The following MAP1LC3C variants were observed in gnomAD, a reference collection of about 807,000 sequenced individuals.
MAP1LC3C encodes the protein microtubule associated protein 1 light chain 3 gamma, also known as microtubule-associated protein 1 light chain 3 gamma.
Under a neutral mutation model 10.4 loss-of-function variants are expected in MAP1LC3C, and 12 were observed. The ratio of observed to expected loss-of-function variants is 1.15; its 90% CI spans 0.74 to 1.86. The LOEUF (loss-of-function observed/expected upper bound fraction) is 1.86, where lower values mean the gene tolerates loss of function less well. Among genes scored for constraint, MAP1LC3C ranks in the 40% most tolerant of loss-of-function variants. The probability of loss-of-function intolerance (pLI) is 0.00; values close to 1 mark genes in which losing one functional copy is unlikely to be tolerated. For missense variants in MAP1LC3C, 177 were observed against 185.7 expected (o/e 0.95, Z 0.27); for synonymous variants, 70 against 69.0 (o/e 1.01, Z -0.07).
chr1:242,000,778 C>T (rs76465614), upstream of MAP1LC3C, among the ~76,000 whole-genome samples: 30,650 of 152,034 alleles, frequency 0.2, 3,214 homozygotes, highest in East Asian at 0.37. Context: ...TGGGTTTTTA[C>T]GGAGGCTTCA....
rs1230558094 is a variant in MAP1LC3C at position 241,998,976 on chromosome 1, T to C, written c.33A>G (p.Arg11=). 1 of 1,611,356 alleles carries C rather than the reference T, an allele frequency of 6.2e-7. No homozygotes were observed. Among genetic ancestry groups the C allele is most frequent in the South Asian group, 1.1e-5 (1 of 90,560 alleles). The part of the protein sequence containing the change: MPPPQKIPSV[R]PFKQRKSLAI... ...CCAAGCTTTTCCTCTGCTTGAAGGGTCTGACGCTTGGGATTTTCTGTGGAG... is the reference window on the plus strand; with the variant it reads ...CCAAGCTTTTCCTCTGCTTGAAGGGCCTGACGCTTGGGATTTTCTGTGGAG... The change falls in exon 1 of 4, where the codon AGA becomes AGG. Residue 11 remains arginine, a synonymous_variant. Coordinates refer to ENST00000357246, the MANE Select transcript of MAP1LC3C (RefSeq NM_001004343.3).
chr1:241,997,947 G>A (rs920060726), intron 3 of MAP1LC3C, among the ~76,000 whole-genome samples: 7 of 151,708 alleles, frequency 4.6e-5, no homozygotes, highest in African/African-American at 1.7e-4. Flanking sequence ...GAAATTCTTA[G>A]AAATGTTGGC....
In MAP1LC3C at chr1:241,998,553, G is replaced by C. The variant is rs1447508631; in HGVS notation, c.182C>G (p.Pro61Arg). 1 of 1,613,854 alleles carries C rather than the reference G, an allele frequency of 6.2e-7. No individual in the cohort carries two copies. Among genetic ancestry groups the C allele is most frequent in the Admixed American group, 1.7e-5 (1 of 59,910 alleles). The part of the protein sequence containing the change: ...PPLDKTKFLV[P>R]QELTMTQFLS... Reference sequence around the variant, plus strand: ...GAACTGGGTCATGGTCAGCTCCTGCGGGACCAGGAACTTGGTTTTGTCCAG... The same window carrying C: ...GAACTGGGTCATGGTCAGCTCCTGCCGGACCAGGAACTTGGTTTTGTCCAG... Residue 61 changes from proline to arginine, a missense_variant, in exon 3 of 4, where the codon CCG becomes CGG. Physicochemically the swap from Pro to Arg is moderately radical, Grantham distance 103. Coordinates refer to ENST00000357246, the MANE Select transcript of MAP1LC3C (RefSeq NM_001004343.3).
Position 241,996,346 on chromosome 1 carries a change from C to A in MAP1LC3C, c.261G>T (p.Leu87Phe). 1 of 1,614,094 alleles carries A rather than the reference C, an allele frequency of 6.2e-7. No homozygotes were observed. The highest frequency in any genetic ancestry group is 8.5e-7 in the Non-Finnish European group (1 of 1,180,026). Residue 87 changes from leucine to phenylalanine, a missense_variant, in exon 4 of 4, where the codon TTG (leucine) becomes TTT (phenylalanine). Transcript: ENST00000357246. ...MVLRATEAFY[L>F]LVNNKSLVSM... ...TGACCAGGCTCTTGTTGTTCACCAGCAAGTAAAAGGCTTCCGTGGCTCTCA... is the reference window on the plus strand; with the variant it reads ...TGACCAGGCTCTTGTTGTTCACCAGAAAGTAAAAGGCTTCCGTGGCTCTCA...
In MAP1LC3C at chr1:241,998,938, C is replaced by G. The variant is rs750401868; in HGVS notation, c.58+13G>C. Reference sequence around the variant, plus strand: ...TCTTTAGATAACCCAGAAAGCTACCCCAAGAAATTTACCCAAGCTTTTCCT... The same window carrying G: ...TCTTTAGATAACCCAGAAAGCTACCGCAAGAAATTTACCCAAGCTTTTCCT... On this transcript the variant is annotated intron_variant, in intron 1 of 3. Transcript: ENST00000357246. 8.1e-6 allele frequency: 13 copies of G among 1,610,818 alleles called. No homozygotes were observed. In the Admixed American group the frequency reaches 1.0e-4, roughly 13 times the overall value.
chr1:242,000,043 ATG>A (rs35676574), upstream of MAP1LC3C, among the ~76,000 whole-genome samples: 143,108 of 150,834 alleles, frequency 0.95, 68,094 homozygotes, highest in Non-Finnish European at 0.98. Context: ...TTGACACTAG[ATG>A]TGTGTGTGTG....
At chr1:242,000,698 G>A (rs982647700), upstream of MAP1LC3C, among the ~76,000 whole-genome samples, 3 of 152,162 alleles carry the variant, frequency 2.0e-5, no homozygotes, top group East Asian at 1.9e-4. Context: ...GATGCATAGC[G>A]AGGTATGGGG....
chr1:241,998,514 C>A lies in MAP1LC3C; in HGVS notation c.221G>T (p.Arg74Leu). Residue 74 changes from arginine (R) to leucine (L), a missense_variant and splice_region_variant, in exon 3 of 4, where the codon CGG (arginine) becomes CTG (leucine). Physicochemically the swap from Arg to Leu is moderately radical, Grantham distance 102. Transcript: ENST00000357246. ...CCGGGGCACGCTCTGCGCCACCTAC[C>A]GGATGATGCTGAGGAACTGGGTCAT... ...LTMTQFLSII[R>L]SRMVLRATEA... 1 of 1,613,880 alleles carries A rather than the reference C, an allele frequency of 6.2e-7. No individual in the cohort carries two copies. Among genetic ancestry groups the A allele is most frequent in the Non-Finnish European group, 8.5e-7 (1 of 1,179,822 alleles).
chr1:241,999,124 T>C, upstream of MAP1LC3C: 1 of 1,473,184 alleles, frequency 6.8e-7, no homozygotes, highest in Non-Finnish European at 8.9e-7. Flanking sequence ...AAGGAGGCCC[T>C]TATGTAGGGC....
chr1:241,998,068 C>T (rs138606533), intron 3 of MAP1LC3C, among the ~76,000 whole-genome samples: 8 of 131,746 alleles, frequency 6.1e-5, no homozygotes, highest in African/African-American at 2.4e-4. Flanking sequence ...CTCTTGTTGC[C>T]CAGGAGTGCA....
At position 241,996,327 on chromosome 1, in the gene MAP1LC3C, G is replaced by C; in HGVS notation, c.280C>G (p.Leu94Val). The C allele has an allele frequency of 6.2e-7, 1 of 1,614,084 alleles. No homozygotes were observed. Among genetic ancestry groups the C allele is most frequent in the Non-Finnish European group, 8.5e-7 (1 of 1,180,006 alleles). Residue 94 changes from leucine (L) to valine (V), a missense_variant, in exon 4 of 4, where the codon CTG (leucine) becomes GTG (valine). Physicochemically the swap from Leu to Val is conservative, Grantham distance 32. Transcript: ENST00000357246. ...AFYLLVNNKSLVSMSATMAEI... is the reference protein window; with the variant it reads ...AFYLLVNNKSVVSMSATMAEI... The stretch of plus-strand genomic sequence containing the variant: ...GCCATGGTTGCGCTCATGCTGACCA[G>C]GCTCTTGTTGTTCACCAGCAAGTAA...
chr1:241,998,446 C>A, intron 3 of MAP1LC3C, 68 bp downstream of exon 3: 2 of 1,388,358 alleles, frequency 1.4e-6, no homozygotes, highest in Non-Finnish European at 2.0e-6. Flanking sequence ...AACTGCCAAA[C>A]GAAGAAAGCC....
chr1:241,998,624 T>G lies in MAP1LC3C; in HGVS notation c.115-4A>C. The G allele has an allele frequency of 1.9e-6, 3 of 1,609,408 alleles. No individual in the cohort carries two copies. Among genetic ancestry groups the G allele is most frequent in the Non-Finnish European group, 2.5e-6 (3 of 1,177,862 alleles). ...TGGGGTAGCGCTCCACTACCACCTG[T>G]CAAGAGTGTCAGTCCTTAAGAATGT... On this transcript the variant is annotated splice_polypyrimidine_tract_variant and splice_region_variant and intron_variant, in intron 2 of 3. Transcript: ENST00000357246.
At chr1:242,000,832 A>G (rs1297738136), upstream of MAP1LC3C, among the ~76,000 whole-genome samples, 2 of 152,150 alleles carry the variant, frequency 1.3e-5, no homozygotes, top group Non-Finnish European at 2.9e-5. Context: ...CTGGTAATCA[A>G]TTTAACTTTC....
Position 241,998,564 on chromosome 1 carries a change from C to G in MAP1LC3C, c.171G>C (p.Lys57Asn), listed in dbSNP as rs777925241. The G allele has an allele frequency of 3.7e-6, 6 of 1,613,538 alleles. No individual in the cohort carries two copies. The highest frequency in any genetic ancestry group is 1.3e-5 in the African/African-American group (1 of 74,898). ...ETFLPPLDKT[K>N]FLVPQELTMT... ...TGGTCAGCTCCTGCGGGACCAGGAA[C>G]TTGGTTTTGTCCAGCGGGGGCAGGA... The change falls in exon 3 of 4, where the codon AAG becomes AAC. Residue 57 changes from lysine to asparagine, a missense_variant. Transcript: ENST00000357246.
At chr1:242,001,258 C>T (rs953988870), upstream of MAP1LC3C, among the ~76,000 whole-genome samples, 5 of 151,858 alleles carry the variant, frequency 3.3e-5, no homozygotes, top group African/African-American at 9.7e-5. Context: ...GCCTGGGCAA[C>T]GGAGCGAGAC....
chr1:242,001,193 C>T (rs1665188749), upstream of MAP1LC3C, among the ~76,000 whole-genome samples: 1 of 152,090 alleles, frequency 6.6e-6, no homozygotes, highest in Non-Finnish European at 1.5e-5. Context: ...AGGAGAATGG[C>T]TTGAACCTGG....
intron 3 of MAP1LC3C, among the ~76,000 whole-genome samples, chr1:241,996,909 CAAAAAA>C: frequency 2.3e-5 from 1 of 42,774 alleles, no homozygotes; most frequent in South Asian, 1.2e-3. Context: ...GACTGCGTCT[CAAAAAA>C]AAAAAAAAAA....
In MAP1LC3C at chr1:241,998,756, G is replaced by A. The variant is rs748660985; in HGVS notation, c.114+20C>T. 2 of 1,614,130 alleles carry A rather than the reference G, an allele frequency of 1.2e-6. No individual in the cohort carries two copies. Among genetic ancestry groups the A allele is most frequent in the Admixed American group, 1.7e-5 (1 of 60,004 alleles). On this transcript the variant is annotated intron_variant, in intron 2 of 3. Coordinates refer to ENST00000357246, the MANE Select transcript of MAP1LC3C (RefSeq NM_001004343.3). ...AACCCCACCCCCACGCCCCCCAGCG[G>A]AAGTCCAGTGGTGTCTTACCGGGAT... is the stretch of plus-strand genomic sequence containing the variant.
Sources: allele counts gnomAD v4.1 joint callset (sites outside exome capture counted in the v4.1 genomes callset), GRCh38; gene constraint gnomAD v4.1.1; transcripts MANE v1.5; gene names NCBI Gene and HGNC (gene_info 2026-07-23, HGNC 2026-07-21).